SLC7A14: variants seen among roughly 807,000 people sequenced by gnomAD.
SLC7A14 encodes the protein solute carrier family 7 member 14, also known as gamma-aminobutyric acid transporter SLC7A14.
SLC7A14 carries 37 observed loss-of-function variants against 60.2 expected under a neutral mutation model. That is an observed-to-expected ratio of 0.61 (90% CI 0.47 to 0.81). SLC7A14 has a LOEUF of 0.81. Among genes scored for constraint, SLC7A14 ranks in the 30% least tolerant of loss-of-function variants. The pLI, the probability that SLC7A14 is intolerant of heterozygous loss-of-function variation, is 0.00. For missense variants in SLC7A14, 886 were observed against 982.7 expected (o/e 0.90, Z 1.32); for synonymous variants, 399 against 395.8 (o/e 1.01, Z -0.10).
intron 1 of SLC7A14, among the ~76,000 whole-genome samples, chr3:170,580,605 T>C (rs1027264976): frequency 1.3e-5 from 2 of 152,160 alleles, no homozygotes; most frequent in Non-Finnish European, 2.9e-5. Context: ...ATATCTCAAC[T>C]ATTTACCTGG....
At chr3:170,583,235 C>T (rs1715286049) in intron 1 of SLC7A14, among the ~76,000 whole-genome samples, 1 of 152,120 alleles carries the variant, frequency 6.6e-6, no homozygotes, top group African/African-American at 2.4e-5. Context: ...CTACCATTCC[C>T]ATTTGTGAAT....
intron 1 of SLC7A14, among the ~76,000 whole-genome samples, chr3:170,549,822 C>T (rs1714291585): frequency 6.6e-6 from 1 of 152,162 alleles, no homozygotes; most frequent in African/African-American, 2.4e-5. Context: ...ACCTCTCAAA[C>T]CATGGAGGCA....
At chr3:170,481,737 T>G (rs924024656) in intron 6 of SLC7A14, among the ~76,000 whole-genome samples, 4 of 152,108 alleles carry the variant, frequency 2.6e-5, no homozygotes, top group Non-Finnish European at 5.9e-5. Flanking sequence ...TTTAGTAAAG[T>G]TCCTAATCAT....
In SLC7A14 at chr3:170,558,093, C is replaced by T. The variant is rs530390993; in HGVS notation, c.-153+27818G>A. Among the ~76,000 whole-genome samples the T allele has an allele frequency of 4.3e-4, 65 of 152,256 alleles. No individual in the cohort carries two copies. The South Asian group carries it at 0.012, about 29-fold the overall frequency. On this transcript the variant is annotated intron_variant, in intron 1 of 7. Transcript: ENST00000231706. Reference sequence around the variant, plus strand: ...TTGGTTAAAGTCAATGGAGGCTGGGCGTGGTGGCTCATGCCTGTAATCCCA... The same window carrying T: ...TTGGTTAAAGTCAATGGAGGCTGGGTGTGGTGGCTCATGCCTGTAATCCCA...
At position 170,535,056 on chromosome 3, in the gene SLC7A14, A is replaced by G. The variant is rs1184314926; in HGVS notation, c.-152-7968T>C. ...GTCAGGGAGGGTATCACAGTTTGAC[A>G]TCACCTTCTCCTCTCCTTTTCCATG... is the stretch of plus-strand genomic sequence containing the variant. On this transcript the variant is annotated intron_variant, in intron 1 of 7. Coordinates refer to ENST00000231706, the MANE Select transcript of SLC7A14 (RefSeq NM_020949.3). The surrounding 1 kb of genome is among the most constrained non-coding windows in gnomAD (Gnocchi z 4.3). Among the ~76,000 whole-genome samples the G allele has an allele frequency of 6.6e-6, 1 of 152,086 alleles. No homozygotes were observed. Among genetic ancestry groups the G allele is most frequent in the Non-Finnish European group, 1.5e-5 (1 of 68,024 alleles).
intron 1 of SLC7A14, among the ~76,000 whole-genome samples, chr3:170,552,146 C>T (rs1423298740): frequency 6.6e-6 from 1 of 152,024 alleles, no homozygotes; most frequent in Non-Finnish European, 1.5e-5. Context: ...CTAGTGGACT[C>T]AGCACCATTT....
intron 1 of SLC7A14, among the ~76,000 whole-genome samples, chr3:170,564,644 T>C (rs1367962677): frequency 1.3e-5 from 2 of 152,238 alleles, no homozygotes; most frequent in Non-Finnish European, 2.9e-5. Context: ...TTGCCCTACC[T>C]GTTACAAGTG....
At chr3:170,477,303 G>A (rs1711650886) in intron 7 of SLC7A14, among the ~76,000 whole-genome samples, 1 of 152,208 alleles carries the variant, frequency 6.6e-6, no homozygotes, top group Admixed American at 6.5e-5. Context: ...AAGTGGGAAG[G>A]TGGTGGACTA....
At chr3:170,536,246 T>C (rs1713836398) in intron 1 of SLC7A14, among the ~76,000 whole-genome samples, 1 of 152,216 alleles carries the variant, frequency 6.6e-6, no homozygotes, top group African/African-American at 2.4e-5. Flanking sequence ...GTATTGAAAA[T>C]GTGACCAATG....
Position 170,501,194 on chromosome 3 carries a change from A to G in SLC7A14, c.456T>C (p.Ser152=). 1.9e-6 allele frequency: 3 copies of G among 1,614,224 alleles called. No homozygotes were observed. The highest frequency in any genetic ancestry group is 2.5e-6 in the Non-Finnish European group (3 of 1,180,048). The change falls in exon 3 of 8, where the codon AGT becomes AGC. Residue 152 remains serine, a synonymous_variant. Coordinates refer to ENST00000231706, the MANE Select transcript of SLC7A14 (RefSeq NM_020949.3). ...EYLIGTAAGA[S]ALSSMFDSLA... is the part of the protein sequence containing the mutation. ...GTGAGTCAAACATGCTGCTCAGAGC[A>G]CTGGCTCCGGCCGCAGTGCCAATCA...
At chr3:170,568,295 G>T (rs1577569194) in intron 1 of SLC7A14, among the ~76,000 whole-genome samples, 1 of 152,070 alleles carries the variant, frequency 6.6e-6, no homozygotes, top group African/African-American at 2.4e-5. Flanking sequence ...TTTTTCTCAG[G>T]TTTGTCAAAG....
At chr3:170,581,664 T>C (rs1715239832) in intron 1 of SLC7A14, among the ~76,000 whole-genome samples, 1 of 152,194 alleles carries the variant, frequency 6.6e-6, no homozygotes, top group African/African-American at 2.4e-5. Flanking sequence ...ACCCTATTTG[T>C]ACATTGTACC....
In SLC7A14 at chr3:170,481,038, G is replaced by T; in HGVS notation, c.1244C>A (p.Thr415Lys). 1 of 1,614,094 alleles carries T rather than the reference G, an allele frequency of 6.2e-7. No individual in the cohort carries two copies. Among genetic ancestry groups the T allele is most frequent in the Non-Finnish European group, 8.5e-7 (1 of 1,180,016 alleles). Reference sequence around the variant, plus strand: ...AGAGACCAAGGTGTAGGCCAGGAGCGTGCCGATAGACATCATCTCTATCAG... The same window carrying T: ...AGAGACCAAGGTGTAGGCCAGGAGCTTGCCGATAGACATCATCTCTATCAG... ...RDLIEMMSIGTLLAYTLVSVC... is the reference protein window; with the variant it reads ...RDLIEMMSIGKLLAYTLVSVC... The change falls in exon 7 of 8, where the codon ACG (threonine) becomes AAG (lysine). Residue 415 changes from threonine (T) to lysine (K), a missense_variant. Transcript: ENST00000231706.
chr3:170,460,340 G>A lies in SLC7A14; in HGVS notation c.*6715C>T, dbSNP rs760463410. 4 of 152,196 alleles carry A rather than the reference G, an allele frequency of 2.6e-5. No individual in the cohort carries two copies. Among genetic ancestry groups the A allele is most frequent in the Non-Finnish European group, 5.9e-5 (4 of 68,044 alleles). 9.4% of individuals were successfully genotyped at this position (152,196 alleles called of 1,614,324 possible). A position where few individuals can be genotyped will look rare whatever the true frequency, so the allele number is the denominator to read the frequency against. Reference sequence around the variant, plus strand: ...GTGGAGTCCTGTCATCAGATGATGTGACTACATGGAATGAGGACTATAGCT... The same window carrying A: ...GTGGAGTCCTGTCATCAGATGATGTAACTACATGGAATGAGGACTATAGCT... On this transcript the variant is annotated 3_prime_UTR_variant, in exon 8 of 8. Transcript: ENST00000231706.
chr3:170,579,561 A>C (rs938513353), intron 1 of SLC7A14, among the ~76,000 whole-genome samples: 3 of 152,254 alleles, frequency 2.0e-5, no homozygotes, highest in Non-Finnish European at 4.4e-5. Flanking sequence ...ACTTGCTAGA[A>C]TAGAATGAGC....
intron 1 of SLC7A14, among the ~76,000 whole-genome samples, chr3:170,544,207 T>C (rs572377904): frequency 2.7e-4 from 41 of 152,216 alleles, no homozygotes; most frequent in Non-Finnish European, 4.1e-4. Context: ...CCCCATTCTA[T>C]TCACTTAGTG....
chr3:170,495,642 T>A, intron 4 of SLC7A14: 1 of 827,598 alleles, frequency 1.2e-6, no homozygotes, highest in Non-Finnish European at 2.1e-6. Flanking sequence ...CACTGTCACG[T>A]TCAACCAGAG....
chr3:170,519,919 A>G (rs1713293450), intron 2 of SLC7A14, among the ~76,000 whole-genome samples: 1 of 152,172 alleles, frequency 6.6e-6, no homozygotes, highest in South Asian at 2.1e-4. Flanking sequence ...GTCATCTTGC[A>G]ATGGAAGCCA....
rs560373256 is a variant in SLC7A14, at chr3:170,576,182, T to C, written c.-153+9729A>G. ...GGCTCCCTCATAATATGTTATAGCA[T>C]GTGTCATGTTGCATACATAATTAGT... On this transcript the variant is annotated intron_variant, in intron 1 of 7. Transcript: ENST00000231706. Among the ~76,000 whole-genome samples, 8 of 152,368 alleles carry C rather than the reference T, an allele frequency of 5.3e-5. No individual in the cohort carries two copies. The South Asian group carries it at 1.0e-3, about 20-fold the overall frequency.
Sources: allele counts gnomAD v4.1 joint callset (sites outside exome capture counted in the v4.1 genomes callset), GRCh38; gene constraint gnomAD v4.1.1; non-coding constraint Gnocchi (gnomAD v3.1); transcripts MANE v1.5; gene names NCBI Gene and HGNC (gene_info 2026-07-23, HGNC 2026-07-21).